The following PRKCD variants were observed in gnomAD, a reference collection of about 807,000 sequenced individuals.
PRKCD encodes protein kinase C delta.
In PRKCD, 20 loss-of-function variants were observed where a neutral mutation model predicts 82.2. That is an observed-to-expected ratio of 0.24 (90% CI 0.17 to 0.35). The LOEUF (loss-of-function observed/expected upper bound fraction) is 0.35, where lower values mean the gene tolerates loss of function less well. PRKCD is among the 10% of genes least tolerant of loss of function. The pLI, the probability that PRKCD is intolerant of heterozygous loss-of-function variation, is 1.00. For missense variants in PRKCD, 607 were observed against 899.0 expected (o/e 0.68, Z 4.15); for synonymous variants, 317 against 337.0 (o/e 0.94, Z 0.65).
rs782258819 is a variant in PRKCD, at chr3:53,181,489, C to T, written c.422C>T (p.Thr141Met). 1.4e-5 allele frequency: 22 copies of T among 1,614,212 alleles called. No homozygotes were observed. Among genetic ancestry groups the T allele is most frequent in the Middle Eastern group, 1.6e-4 (1 of 6,062 alleles). The stretch of plus-strand genomic sequence containing the variant: ...AGTGAGGACGAGGCCAAGTTCCCAA[C>T]GATGAACCGCCGCGGAGCCATCAAA... Reference protein sequence around the residue: ...MRSEDEAKFPTMNRRGAIKQA... With the variant: ...MRSEDEAKFPMMNRRGAIKQA... The change falls in exon 6 of 19, where the codon ACG (threonine) becomes ATG (methionine). Residue 141 changes from threonine to methionine, a missense_variant. By Grantham distance (81) the Thr-to-Met change is moderately conservative. Around this residue, in one of 5 missense-constraint regions of PRKCD, gnomAD observed 161 missense variants for 227.0 expected, o/e 0.71. Coordinates refer to ENST00000330452, the MANE Select transcript of PRKCD (RefSeq NM_006254.4).
intron 2 of PRKCD, among the ~76,000 whole-genome samples, chr3:53,171,334 G>A (rs1553664887): frequency 6.6e-6 from 1 of 152,178 alleles, no homozygotes; most frequent in African/African-American, 2.4e-5. Flanking sequence ...ACACAAGCTG[G>A]CAGAGGTGGA....
At position 53,179,540 on chromosome 3, in the gene PRKCD, G is replaced by T. The variant is rs782809609; in HGVS notation, c.116-37G>T. 3.1e-5 allele frequency: 50 copies of T among 1,613,310 alleles called. No individual in the cohort carries two copies. The South Asian group carries it at 4.9e-4, about 16-fold the overall frequency. ...AGGTCTACGAGGGAGGGACAGAGGG[G>T]CCATGGCCCAACCTTCTCTGCCTGG... On this transcript the variant is annotated intron_variant, in intron 3 of 18. Transcript: ENST00000330452.
At chr3:53,182,036 C>G in intron 7 of PRKCD, 1 of 539,694 alleles carries the variant, frequency 1.9e-6, no homozygotes, top group South Asian at 1.7e-5. Flanking sequence ...CTCTTTTCCT[C>G]GGAGAGGCAA....
intron 7 of PRKCD, among the ~76,000 whole-genome samples, chr3:53,182,195 C>A (rs1197624641): frequency 6.6e-6 from 1 of 152,170 alleles, no homozygotes. Context: ...GGTTTGAATC[C>A]CAGCTCTACC....
Position 53,171,760 on chromosome 3 carries a change from C to G in PRKCD, c.-20+6545C>G, listed in dbSNP as rs548888142. On this transcript the variant is annotated intron_variant, in intron 2 of 18. Coordinates refer to ENST00000330452, the MANE Select transcript of PRKCD (RefSeq NM_006254.4). Reference sequence around the variant, plus strand: ...AACAACATCTGCAAAAATATGGGGGCTGGGAAATGAGACATATGTTCACAG... The same window carrying G: ...AACAACATCTGCAAAAATATGGGGGGTGGGAAATGAGACATATGTTCACAG... 3.5e-3 allele frequency among the ~76,000 whole-genome samples: 530 copies of G among 152,252 alleles called. 4 individuals carry two copies. The highest frequency in any genetic ancestry group is 0.012 in the African/African-American group (506 of 41,518).
At chr3:53,182,983 T>C (rs1703506563) in intron 7 of PRKCD, 138 bp from the exon 8 acceptor site, 3 of 805,622 alleles carry the variant, frequency 3.7e-6, no homozygotes, top group Non-Finnish European at 6.2e-6. Context: ...GCGCTGGGCC[T>C]CTGCGGGGTG....
chr3:53,175,118 G>T (rs1386275326), intron 2 of PRKCD, among the ~76,000 whole-genome samples: 1 of 152,152 alleles, frequency 6.6e-6, no homozygotes, highest in South Asian at 2.1e-4. Flanking sequence ...TCAGGGCTGG[G>T]CCCCAAGGGT....
chr3:53,187,605 C>G (rs1021231585), intron 15 of PRKCD, among the ~76,000 whole-genome samples: 5 of 152,228 alleles, frequency 3.3e-5, no homozygotes, highest in African/African-American at 1.2e-4. Flanking sequence ...GCTTCAGGAA[C>G]TAGGAACTCA....
intron 15 of PRKCD, 62 bp from the exon 16 acceptor site, chr3:53,188,658 G>C (rs1553669929): frequency 8.8e-6 from 14 of 1,597,236 alleles, no homozygotes; most frequent in Admixed American, 8.4e-5. Flanking sequence ...TAGGACATGG[G>C]GGGCAGGGTT....
Position 53,187,340 on chromosome 3 carries a change from G to A in PRKCD, c.1353G>A (p.Thr451=). ...CACTTTATCCCTCTCTCTTGCCCAG[G>A]TTTTATGCCGCTGAGATAATGTGTG... ...DKGRFELYRA[T]FYAAEIMCGL... Residue 451 remains threonine (T), a splice_region_variant and synonymous_variant, in exon 15 of 19, where the codon ACG becomes ACA. Transcript: ENST00000330452. The A allele has an allele frequency of 6.2e-7, 1 of 1,614,152 alleles. No individual in the cohort carries two copies. Among genetic ancestry groups the A allele is most frequent in the East Asian group, 2.2e-5 (1 of 44,874 alleles).
chr3:53,186,464 T>C, intron 13 of PRKCD, 124 bp downstream of exon 13: 2 of 1,088,732 alleles, frequency 1.8e-6, no homozygotes, highest in Non-Finnish European at 2.7e-6. Flanking sequence ...CTTTCCCCCC[T>C]CATGCCTCCC....
intron 9 of PRKCD, 130 bp downstream of exon 9, chr3:53,183,711 G>A: frequency 1.5e-6 from 2 of 1,337,242 alleles, no homozygotes; most frequent in Non-Finnish European, 2.0e-6. Context: ...ACCTGATGAG[G>A]GTGAGGCCTT....
At chr3:53,170,876 G>A (rs1702999007) in intron 2 of PRKCD, among the ~76,000 whole-genome samples, 1 of 152,152 alleles carries the variant, frequency 6.6e-6, no homozygotes. Context: ...GTGGTCGGGT[G>A]TGGTCTGTGT....
chr3:53,175,804 T>G (rs1349845989), intron 2 of PRKCD, among the ~76,000 whole-genome samples: 1 of 152,220 alleles, frequency 6.6e-6, no homozygotes, highest in African/African-American at 2.4e-5. Flanking sequence ...CTGCCAATCA[T>G]TCCAGACCCA....
rs781931484 is a variant in PRKCD at position 53,186,247 on chromosome 3, C to T, written c.1167C>T (p.Asp389=). 2.5e-5 allele frequency: 40 copies of T among 1,614,078 alleles called. No homozygotes were observed. Among genetic ancestry groups the T allele is most frequent in the African/African-American group, 2.1e-4 (16 of 74,930 alleles). Residue 389 remains aspartate (D), a synonymous_variant, in exon 13 of 19, where the codon GAC becomes GAT. Transcript: ENST00000330452. ...AGAAGGATGTGGTCCTGATCGACGA[C>T]GACGTGGAGTGCACCATGGTTGAGA... The part of the protein sequence containing the change: ...ALKKDVVLID[D]DVECTMVEKR...
intron 17 of PRKCD, 41 bp downstream of exon 17, chr3:53,189,287 TG>T: frequency 2.0e-6 from 3 of 1,533,248 alleles, no homozygotes; most frequent in Non-Finnish European, 1.8e-6. Flanking sequence ...TGGGCTGGGC[TG>T]GGGCAGGGGC....
At chr3:53,175,150 G>C (rs1703172016) in intron 2 of PRKCD, among the ~76,000 whole-genome samples, 1 of 152,200 alleles carries the variant, frequency 6.6e-6, no homozygotes, top group Admixed American at 6.5e-5. Flanking sequence ...AGGAGGACCT[G>C]GCTGGCCGGT....
intron 2 of PRKCD, among the ~76,000 whole-genome samples, chr3:53,176,377 A>G (rs1703213880): frequency 1.3e-5 from 2 of 152,326 alleles, no homozygotes; most frequent in African/African-American, 4.8e-5. Context: ...TGAGGTCAGC[A>G]TTTGCTGTGA....
Position 53,185,605 on chromosome 3 carries a change from G to A in PRKCD, c.890G>A (p.Arg297Lys), listed in dbSNP as rs782243565. 9.9e-6 allele frequency: 16 copies of A among 1,613,346 alleles called. No homozygotes were observed. Among genetic ancestry groups the A allele is most frequent in the Non-Finnish European group, 1.3e-5 (15 of 1,179,978 alleles). The change falls in exon 11 of 19, where the codon AGA becomes AAA. Residue 297 changes from arginine (R) to lysine (K), a missense_variant and splice_region_variant. Arg to Lys is a conservative substitution (Grantham distance 26). Coordinates refer to ENST00000330452, the MANE Select transcript of PRKCD (RefSeq NM_006254.4). ...LAEALNQVTQ[R>K]ASRRSDSASS... Reference sequence around the variant, plus strand: ...CCCCCACCTCTGCTCCCTCCCCAGAGAGCCTCCCGGAGATCAGACTCAGCC... The same window carrying A: ...CCCCCACCTCTGCTCCCTCCCCAGAAAGCCTCCCGGAGATCAGACTCAGCC...
Sources: allele counts gnomAD v4.1 joint callset (sites outside exome capture counted in the v4.1 genomes callset), GRCh38; gene constraint gnomAD v4.1.1; regional missense constraint gnomAD v4.1.1; transcripts MANE v1.5; gene names NCBI Gene and HGNC (gene_info 2026-07-23, HGNC 2026-07-21).